The following KAT14 variants were observed in gnomAD, a reference collection of about 807,000 sequenced individuals.
KAT14 encodes the protein cysteine-rich protein 2-binding protein.
A neutral mutation model predicts 78.4 loss-of-function variants in KAT14; 66 were observed. The ratio of observed to expected loss-of-function variants is 0.84; its 90% CI spans 0.69 to 1.03. KAT14 has a LOEUF of 1.03. Among genes scored for constraint, KAT14 ranks in the 50% least tolerant of loss-of-function variants. KAT14 has a pLI of 0.00. For missense variants in KAT14, 870 were observed against 972.5 expected, an observed-to-expected ratio of 0.89 and a Z score of 1.40; for synonymous variants, 344 against 359.4, an observed-to-expected ratio of 0.96 and a Z score of 0.48.
At chr20:18,168,631 A>C (rs2038744546) in intron 7 of KAT14, among the ~76,000 whole-genome samples, 1 of 151,774 alleles carries the variant, frequency 6.6e-6, no homozygotes, top group Non-Finnish European at 1.5e-5. Flanking sequence ...TTTTATCTTT[A>C]ATTAGTGCAT....
At chr20:18,158,991 ATGT>A (rs1009118011) in intron 4 of KAT14, 90 bp from the exon 5 acceptor site, 3 of 1,409,656 alleles carry the variant, frequency 2.1e-6, no homozygotes, top group African/African-American at 2.9e-5. Flanking sequence ...GTGCCATTGC[ATGT>A]TGCAGGCCAG....
At chr20:18,164,962 C>T (rs1057061781) in intron 7 of KAT14, among the ~76,000 whole-genome samples, 2 of 152,014 alleles carry the variant, frequency 1.3e-5, no homozygotes, top group African/African-American at 4.8e-5. Flanking sequence ...GTGGGCCTGT[C>T]TGTTTACTGC....
chr20:18,141,617 G>T (rs1176399972), intron 1 of KAT14, among the ~76,000 whole-genome samples: 2 of 152,236 alleles, frequency 1.3e-5, no homozygotes, highest in African/African-American at 4.8e-5. Flanking sequence ...GGGTGCAGTG[G>T]CTCACGCCTG....
intron 1 of KAT14, among the ~76,000 whole-genome samples, chr20:18,141,985 TATG>T (rs1424446616): frequency 2.0e-5 from 3 of 152,182 alleles, no homozygotes; most frequent in East Asian, 3.8e-4. Flanking sequence ...TTTCTTAAAA[TATG>T]ATAAGAAATC....
At position 18,142,412 on chromosome 20, in the gene KAT14, A is replaced by C. The variant is rs1419582510; in HGVS notation, c.-249A>C. ...AACACGAGTTTGTGTGTGTGTGTTG[A>C]TGGAGAGTAGCTTAGTAGTATCTTC... On this transcript the variant is annotated 5_prime_UTR_variant, in exon 2 of 11. It removes an upstream start codon present in the reference 5' UTR. Coordinates refer to ENST00000688188, the MANE Select transcript of KAT14 (RefSeq NM_001392073.1). 3 of 1,507,414 alleles carry C rather than the reference A, an allele frequency of 2.0e-6. No individual in the cohort carries two copies. The East Asian group carries it at 7.4e-5, about 37-fold the overall frequency. The allele number at this position is 1,507,414 out of a possible 1,614,324, so 93.4% of individuals were successfully genotyped here. A position where few individuals can be genotyped will look rare whatever the true frequency, so the allele number is the denominator to read the frequency against.
At chr20:18,157,280 G>C (rs1171857148) in intron 4 of KAT14, among the ~76,000 whole-genome samples, 2 of 152,176 alleles carry the variant, frequency 1.3e-5, no homozygotes, top group Non-Finnish European at 2.9e-5. Flanking sequence ...CAATGGCACA[G>C]TAATGGCTCA....
At position 18,142,251 on chromosome 20, in the gene KAT14, G is replaced by A. The variant is rs1365049283; in HGVS notation, c.-410G>A. On this transcript the variant is annotated 5_prime_UTR_variant, in exon 2 of 11. Transcript: ENST00000688188. ...ATCAGAGACATTGAGAGGCAAATTC[G>A]GAAAAAAGAAAACATTCGTCTTTTG... The A allele has an allele frequency of 4.6e-6, 7 of 1,536,890 alleles. No homozygotes were observed. Among genetic ancestry groups the A allele is most frequent in the South Asian group, 2.4e-5 (2 of 84,054 alleles).
Position 18,162,722 on chromosome 20 carries a change from C to T in KAT14, c.1445C>T (p.Ala482Val). The T allele has an allele frequency of 6.2e-7, 1 of 1,614,210 alleles. No homozygotes were observed. Among genetic ancestry groups the T allele is most frequent in the Non-Finnish European group, 8.5e-7 (1 of 1,180,036 alleles). ...CTGGAAGCTTGTCCCGGTGCTGTTG[C>T]CATGACTCCGGAAGCTCGGAGACTG... ...KRLEACPGAV[A>V]MTPEARRLKR... The change falls in exon 7 of 11, where the codon GCC (alanine) becomes GTC (valine). Residue 482 changes from alanine (A) to valine (V), a missense_variant. Transcript: ENST00000688188.
At chr20:18,137,489 G>C (rs1000407681), upstream of KAT14, among the ~76,000 whole-genome samples, 4 of 152,206 alleles carry the variant, frequency 2.6e-5, no homozygotes, top group Non-Finnish European at 5.9e-5. Flanking sequence ...GAGCAATGAG[G>C]GGGCTGCGTT....
In KAT14 at chr20:18,161,984, G is replaced by A. The variant is rs762641777; in HGVS notation, c.844G>A (p.Asp282Asn). 3 of 1,614,244 alleles carry A rather than the reference G, an allele frequency of 1.9e-6. No individual in the cohort carries two copies. In the South Asian group the frequency reaches 3.3e-5, roughly 18 times the overall value. Residue 282 changes from aspartate (D) to asparagine (N), a missense_variant, in exon 6 of 11, where the codon GAC becomes AAC. Asp to Asn is a conservative substitution (Grantham distance 23). Coordinates refer to ENST00000688188, the MANE Select transcript of KAT14 (RefSeq NM_001392073.1). ...CCAGAAGGAGGCCGCTGGCTTTCTT[G>A]ACAGGAGCACATCTTCTACCCCTGT... ...RAQKEAAGFL[D>N]RSTSSTPVKF...
At chr20:18,175,150 T>G (rs1488035342) in intron 7 of KAT14, among the ~76,000 whole-genome samples, 2 of 152,036 alleles carry the variant, frequency 1.3e-5, no homozygotes, top group Non-Finnish European at 2.9e-5. Flanking sequence ...AAACCATTTC[T>G]CCTCCTCTCT....
At chr20:18,143,145 T>C in intron 2 of KAT14, 1 of 1,257,278 alleles carries the variant, frequency 8.0e-7, no homozygotes, top group Non-Finnish European at 1.0e-6. Context: ...TGGTGGTAAC[T>C]CAATAAAATT....
At chr20:18,161,034 C>T (rs2038400346) in intron 5 of KAT14, among the ~76,000 whole-genome samples, 1 of 151,898 alleles carries the variant, frequency 6.6e-6, no homozygotes, top group Admixed American at 6.6e-5. Flanking sequence ...ATCAGCCGGG[C>T]GTGATGGCGC....
At chr20:18,158,239 G>A (rs540519661) in intron 4 of KAT14, among the ~76,000 whole-genome samples, 25 of 152,326 alleles carry the variant, frequency 1.6e-4, no homozygotes, top group African/African-American at 6.0e-4. Context: ...CCCAGCCTCA[G>A]ATAGTGCTTA....
intron 4 of KAT14, among the ~76,000 whole-genome samples, chr20:18,152,252 G>A (rs1424627182): frequency 6.6e-6 from 1 of 151,962 alleles, no homozygotes; most frequent in Non-Finnish European, 1.5e-5. Context: ...AAGCCAGCCT[G>A]GACAGTATAG....
intron 5 of KAT14, among the ~76,000 whole-genome samples, chr20:18,160,543 C>G (rs1215936288): frequency 6.6e-6 from 1 of 152,014 alleles, no homozygotes; most frequent in Non-Finnish European, 1.5e-5. Context: ...AAACCATTCT[C>G]CTGTTGATGG....
intron 5 of KAT14, among the ~76,000 whole-genome samples, chr20:18,160,583 C>T (rs1205232): frequency 1 from 151,808 of 152,222 alleles, 75,697 homozygotes; most frequent in Middle Eastern, 1. Context: ...CTTTTTGTTG[C>T]TATTTTATTT....
chr20:18,147,540 T>G (rs1026689748), intron 3 of KAT14, among the ~76,000 whole-genome samples: 9 of 152,208 alleles, frequency 5.9e-5, no homozygotes, highest in Admixed American at 3.3e-4. Flanking sequence ...GCTCAGAGTA[T>G]GTAATATTGG....
intron 5 of KAT14, among the ~76,000 whole-genome samples, chr20:18,161,240 G>A (rs945385159): frequency 2.2e-5 from 3 of 135,402 alleles, no homozygotes; most frequent in Non-Finnish European, 4.8e-5. Context: ...CATTTACTGA[G>A]CTTTATCAAA....
Sources: allele counts gnomAD v4.1 joint callset (sites outside exome capture counted in the v4.1 genomes callset), GRCh38; gene constraint gnomAD v4.1.1; transcripts MANE v1.5; gene names NCBI Gene and HGNC (gene_info 2026-07-23, HGNC 2026-07-21).